The following ATP2A2 variants were observed in gnomAD, a reference collection of about 807,000 sequenced individuals.
ATP2A2 encodes ATPase sarcoplasmic/endoplasmic reticulum Ca2+ transporting 2, also known as sarcoplasmic/endoplasmic reticulum calcium ATPase 2.
A neutral mutation model predicts 109.3 loss-of-function variants in ATP2A2; 14 were observed. That is an observed-to-expected ratio of 0.13 (90% CI 0.08 to 0.20). The LOEUF is 0.20. ATP2A2 is among the 10% of genes least tolerant of loss of function. The probability of loss-of-function intolerance (pLI) is 1.00; values close to 1 mark genes in which losing one functional copy is unlikely to be tolerated. For missense variants in ATP2A2, 657 were observed against 1,321.6 expected, an observed-to-expected ratio of 0.50 and a Z score of 7.80; for synonymous variants, 506 against 490.9, an observed-to-expected ratio of 1.03 and a Z score of -0.41.
intron 5 of ATP2A2, among the ~76,000 whole-genome samples, chr12:110,305,510 AT>A (rs1875188395): frequency 1.3e-5 from 2 of 152,202 alleles, no homozygotes; most frequent in South Asian, 2.1e-4. Context: ...TGTTGAAAAG[AT>A]TTCTTCACTA....
At chr12:110,330,167 A>G (rs951092874) in intron 8 of ATP2A2, 3 of 152,146 alleles carry the variant, frequency 2.0e-5, no homozygotes. Flanking sequence ...CAGGTTTTAG[A>G]TAATTATTTT....
intron 3 of ATP2A2, 53 bp downstream of exon 3, chr12:110,282,848 T>C: frequency 7.0e-7 from 1 of 1,437,834 alleles, no homozygotes; most frequent in Non-Finnish European, 9.7e-7. Flanking sequence ...AAGTATTCCA[T>C]AGATAAATCA....
In ATP2A2 at chr12:110,343,392, T is replaced by C. The variant is rs903395451; in HGVS notation, c.2479T>C (p.Leu827=). 2.0e-5 allele frequency: 32 copies of C among 1,614,124 alleles called. No individual in the cohort carries two copies. Among genetic ancestry groups the C allele is most frequent in the Non-Finnish European group, 2.5e-5 (30 of 1,180,050 alleles). The change falls in exon 16 of 20, where the codon TTG becomes CTG. Residue 827 remains leucine, a synonymous_variant. Transcript: ENST00000539276. ...NKPPRNPKEP[L]ISGWLFFRYL... ...ACCTCCCCGGAACCCAAAGGAACCA[T>C]TGATCAGCGGGTGGCTCTTTTTCCG...
At chr12:110,311,874 CA>C (rs1169277226) in intron 5 of ATP2A2, among the ~76,000 whole-genome samples, 2 of 150,558 alleles carry the variant, frequency 1.3e-5, no homozygotes, top group Non-Finnish European at 3.0e-5. Flanking sequence ...CTTGTCTTTA[CA>C]AAAAAAGTTT....
rs199890424 is a variant in ATP2A2, at chr12:110,296,587, T to C, written c.325-12T>C. 5 of 1,614,140 alleles carry C rather than the reference T, an allele frequency of 3.1e-6. No individual in the cohort carries two copies. Among genetic ancestry groups the C allele is most frequent in the Non-Finnish European group, 3.4e-6 (4 of 1,180,018 alleles). On this transcript the variant is annotated splice_polypyrimidine_tract_variant and intron_variant, in intron 4 of 19. Transcript: ENST00000539276. Reference sequence around the variant, plus strand: ...GCAGGTCTTTACTACTCTTCTGTTTTCTTTTATACAGGAAAGAAATGCTGA... The same window carrying C: ...GCAGGTCTTTACTACTCTTCTGTTTCCTTTTATACAGGAAAGAAATGCTGA...
At chr12:110,306,183 C>T (rs1386188465) in intron 5 of ATP2A2, among the ~76,000 whole-genome samples, 2 of 152,106 alleles carry the variant, frequency 1.3e-5, no homozygotes, top group South Asian at 4.1e-4. Flanking sequence ...GGACCAGAGG[C>T]GCCTGCCACC....
chr12:110,306,156 A>T (rs2137750885), intron 5 of ATP2A2, among the ~76,000 whole-genome samples: 1 of 152,196 alleles, frequency 6.6e-6, no homozygotes, highest in East Asian at 1.9e-4. Context: ...CTCCTGCCTC[A>T]GCCTCCCCAG....
At chr12:110,297,221 C>T (rs1232474788) in intron 5 of ATP2A2, among the ~76,000 whole-genome samples, 2 of 152,100 alleles carry the variant, frequency 1.3e-5, no homozygotes, top group East Asian at 1.9e-4. Flanking sequence ...AGGCAGATCA[C>T]GAGGTCAAGA....
intron 3 of ATP2A2, among the ~76,000 whole-genome samples, chr12:110,290,851 G>GCCACCTCCGCCTCCTAGGTACAAGTGAT (rs1235464556): frequency 6.6e-6 from 1 of 152,028 alleles, no homozygotes; most frequent in African/African-American, 2.4e-5. Flanking sequence ...CGATCTACCT[G>GCCACCTCCGCCTCCTAGGTACAAGTGAT]TCTCGGCCTC....
intron 4 of ATP2A2, among the ~76,000 whole-genome samples, chr12:110,294,236 G>A (rs1294779290): frequency 6.6e-6 from 1 of 151,950 alleles, no homozygotes; most frequent in Non-Finnish European, 1.5e-5. Flanking sequence ...ATAGAGACGG[G>A]GTTTCACCGT....
chr12:110,288,510 T>TGAG (rs1872911409), intron 3 of ATP2A2, among the ~76,000 whole-genome samples: 1 of 151,974 alleles, frequency 6.6e-6, no homozygotes, highest in African/African-American at 2.4e-5. Context: ...GGTCAAGCGA[T>TGAG]TCTCCTGTCT....
intron 1 of ATP2A2, 125 bp downstream of exon 1, chr12:110,282,032 G>T (rs113749949): frequency 1.4e-6 from 1 of 695,810 alleles, no homozygotes. Flanking sequence ...CGGAGGGTCG[G>T]GCCAGCGCGC....
At position 110,301,625 on chromosome 12, in the gene ATP2A2, G is replaced by T. The variant is rs554553462; in HGVS notation, c.463+4888G>T. On this transcript the variant is annotated intron_variant, in intron 5 of 19. Transcript: ENST00000539276. Reference sequence around the variant, plus strand: ...TCCTAACTAGGCTCTGGCTTCCTTTGTTGTCTTCCTCCAGTCCATTCTCCA... The same window carrying T: ...TCCTAACTAGGCTCTGGCTTCCTTTTTTGTCTTCCTCCAGTCCATTCTCCA... Among the ~76,000 whole-genome samples, 13 of 152,246 alleles carry T rather than the reference G, an allele frequency of 8.5e-5. No homozygotes were observed. In the South Asian group the frequency reaches 2.7e-3, roughly 32 times the overall value.
rs1226883638 is a variant in ATP2A2 at position 110,348,329 on chromosome 12, C to T, written c.*1859C>T. The T allele has an allele frequency of 1.0e-6, 1 of 985,142 alleles. No homozygotes were observed. The highest frequency in any genetic ancestry group is 1.2e-6 in the Non-Finnish European group (1 of 829,932). The allele number at this position is 985,142 out of a possible 1,614,324, so 61.0% of individuals were successfully genotyped here. ...CTTAGCTCTGCAGGGGATGTTAAAGCACAGTTAGTAGGACGTGGCTCTGCA... is the reference window on the plus strand; with the variant it reads ...CTTAGCTCTGCAGGGGATGTTAAAGTACAGTTAGTAGGACGTGGCTCTGCA... On this transcript the variant is annotated 3_prime_UTR_variant, in exon 20 of 20. Transcript: ENST00000539276.
At chr12:110,341,804 C>T (rs1333871281) in intron 14 of ATP2A2, among the ~76,000 whole-genome samples, 6 of 152,158 alleles carry the variant, frequency 3.9e-5, no homozygotes, top group Non-Finnish European at 5.9e-5. Context: ...ACCCAGGAGG[C>T]GTGCAGTGAG....
intron 3 of ATP2A2, among the ~76,000 whole-genome samples, chr12:110,290,180 A>G (rs942345539): frequency 2.0e-5 from 3 of 152,214 alleles, no homozygotes; most frequent in Non-Finnish European, 2.9e-5. Flanking sequence ...ACCACTGAAA[A>G]GAAACGGGGA....
chr12:110,293,385 T>TGTTTG (rs1352189245), intron 4 of ATP2A2, among the ~76,000 whole-genome samples: 23 of 114,384 alleles, frequency 2.0e-4, no homozygotes, highest in Non-Finnish European at 3.0e-4. Context: ...TTTTTTTTTT[T>TGTTTG]TTTGTTTGTT....
chr12:110,334,260 T>TA (rs1878620883), intron 11 of ATP2A2, 117 bp downstream of exon 11: 1 of 1,280,226 alleles, frequency 7.8e-7, no homozygotes, highest in East Asian at 2.4e-5. Flanking sequence ...TCCTCAAACT[T>TA]ACAGTATTTC....
chr12:110,320,565 A>T (rs1272169677), intron 5 of ATP2A2, among the ~76,000 whole-genome samples: 1 of 152,208 alleles, frequency 6.6e-6, no homozygotes, highest in Non-Finnish European at 1.5e-5. Flanking sequence ...GCTGTTAAAG[A>T]CCACTAAAGT....
Sources: allele counts gnomAD v4.1 joint callset (sites outside exome capture counted in the v4.1 genomes callset), GRCh38; gene constraint gnomAD v4.1.1; transcripts MANE v1.5; gene names NCBI Gene and HGNC (gene_info 2026-07-23, HGNC 2026-07-21).